Variants in ALG12 observed in about 807,000 individuals in gnomAD.
The protein encoded by ALG12 is ALG12 alpha-1,6-mannosyltransferase.
Under a neutral mutation model 46.0 loss-of-function variants are expected in ALG12, and 36 were observed. The observed-to-expected ratio is 0.78, with a 90% CI of 0.60 to 1.03. The LOEUF (loss-of-function observed/expected upper bound fraction) is 1.03, where lower values mean the gene tolerates loss of function less well. Ranked by LOEUF, ALG12 falls within the 50% of genes least tolerant of loss-of-function variation. ALG12 has a pLI of 0.00. For missense variants in ALG12, 599 were observed against 633.5 expected (o/e 0.95, Z 0.58); for synonymous variants, 326 against 291.6 (o/e 1.12, Z -1.20).
intron 1 of ALG12, among the ~76,000 whole-genome samples, chr22:49,916,207 C>T (rs1303140505): frequency 6.6e-6 from 1 of 152,154 alleles, no homozygotes. Flanking sequence ...GAGCCGAGAT[C>T]GCGCCACTGC....
chr22:49,916,168 G>A (rs1024845176), intron 1 of ALG12, among the ~76,000 whole-genome samples: 1 of 152,124 alleles, frequency 6.6e-6, no homozygotes, highest in African/African-American at 2.4e-5. Flanking sequence ...CAGGAGAATG[G>A]TGTGAACCCA....
At chr22:49,885,264 C>A in the ALG12 span, 2 of 1,599,178 alleles carry the variant, frequency 1.3e-6, no homozygotes, top group South Asian at 2.2e-5. Flanking sequence ...CAGAAAGTTC[C>A]TCTTCCAAAT....
the ALG12 span, among the ~76,000 whole-genome samples, chr22:49,878,501 G>T: frequency 6.6e-6 from 1 of 152,164 alleles, no homozygotes; most frequent in Non-Finnish European, 1.5e-5. Flanking sequence ...GCACTTCATG[G>T]AGAAAGGATT....
the ALG12 span, among the ~76,000 whole-genome samples, chr22:49,864,232 G>C: frequency 1.3e-5 from 2 of 152,230 alleles, no homozygotes; most frequent in South Asian, 4.1e-4. Flanking sequence ...TTTCCACTGA[G>C]AGTGCTGGTC....
At chr22:49,911,641 C>G (rs2146610728) in intron 3 of ALG12, among the ~76,000 whole-genome samples, 1 of 152,230 alleles carries the variant, frequency 6.6e-6, no homozygotes, top group East Asian at 1.9e-4. Flanking sequence ...CCCATGTTGG[C>G]CAGGATGGTC....
At chr22:49,888,409 A>G in the ALG12 span, 1 of 167,246 alleles carries the variant, frequency 6.0e-6, no homozygotes, top group East Asian at 1.9e-4. Context: ...TGGTGAACTC[A>G]GTTTCTGAAA....
chr22:49,869,342 G>A, the ALG12 span, among the ~76,000 whole-genome samples: 1 of 152,288 alleles, frequency 6.6e-6, no homozygotes, highest in South Asian at 2.1e-4. Context: ...TGCCTACCTC[G>A]TACCCGCGTG....
At chr22:49,879,533 T>A in the ALG12 span, among the ~76,000 whole-genome samples, 16,999 of 150,850 alleles carry the variant, frequency 0.11, 1,350 homozygotes, top group African/African-American at 0.21. Context: ...TCCACTAATT[T>A]TATTATTTGT....
chr22:49,914,189 C>T (rs2060597404), intron 1 of ALG12, among the ~76,000 whole-genome samples: 1 of 152,208 alleles, frequency 6.6e-6, no homozygotes, highest in Non-Finnish European at 1.5e-5. Flanking sequence ...TCAGCAAAAC[C>T]CAGGCTTGGC....
chr22:49,911,118 G>A (rs1348532379), intron 3 of ALG12, among the ~76,000 whole-genome samples: 1 of 152,260 alleles, frequency 6.6e-6, no homozygotes, highest in Non-Finnish European at 1.5e-5. Context: ...GGGGGCAGGT[G>A]TGCCCAGGAC....
the ALG12 span, among the ~76,000 whole-genome samples, chr22:49,862,356 TGGCC>T: frequency 6.6e-6 from 1 of 152,246 alleles, no homozygotes; most frequent in African/African-American, 2.4e-5. Flanking sequence ...TCTCTCACCG[TGGCC>T]TGCAAGTAGC....
downstream of ALG12, among the ~76,000 whole-genome samples, chr22:49,899,074 G>C (rs1357748559): frequency 6.6e-6 from 1 of 152,108 alleles, no homozygotes; most frequent in Non-Finnish European, 1.5e-5. Flanking sequence ...CGGATTACTT[G>C]AGCCCAGGAG....
the ALG12 span, chr22:49,887,046 C>T: frequency 4.6e-5 from 75 of 1,614,156 alleles, no homozygotes; most frequent in African/African-American, 8.7e-4. Flanking sequence ...CCCCAAGCAT[C>T]GTCCCTTCAG....
At chr22:49,884,663 C>T in the ALG12 span, 1 of 1,610,814 alleles carries the variant, frequency 6.2e-7, no homozygotes, top group East Asian at 2.2e-5. Context: ...ATGTGGAGGG[C>T]ACACCGCGCC....
rs1465773754 is a variant in ALG12, at chr22:49,908,039, T to C, written c.769-95A>G. The stretch of plus-strand genomic sequence containing the variant: ...GGTGGAGAAGACGCTTGAAGACAGT[T>C]GTGCTGAGAGATGCAGCCTGGACCA... On this transcript the variant is annotated intron_variant, in intron 6 of 9. Transcript: ENST00000330817. The C allele has an allele frequency of 3.1e-6, 4 of 1,285,668 alleles. No homozygotes were observed. In the Admixed American group the frequency reaches 7.8e-5, roughly 25 times the overall value. 79.6% of individuals were successfully genotyped at this position (1,285,668 alleles called of 1,614,324 possible). A position where few individuals can be genotyped will look rare whatever the true frequency, so the allele number is the denominator to read the frequency against.
chr22:49,914,656 T>A (rs1250933067), intron 1 of ALG12, among the ~76,000 whole-genome samples: 1 of 152,218 alleles, frequency 6.6e-6, no homozygotes, highest in Non-Finnish European at 1.5e-5. Context: ...TAAAACAGAT[T>A]TGATTTTATT....
At position 49,901,142 on chromosome 22, in the gene ALG12, G is replaced by A. The variant is rs998040565; in HGVS notation, c.*2696C>T. On this transcript the variant is annotated 3_prime_UTR_variant, in exon 10 of 10. Transcript: ENST00000330817. ...AGTGACTCACAGACCACTGAAGTCG[G>A]GAGGCAATCCACATGTGGCCAGCGA... 3 of 152,274 alleles carry A rather than the reference G, an allele frequency of 2.0e-5. No homozygotes were observed. Among genetic ancestry groups the A allele is most frequent in the African/African-American group, 7.2e-5 (3 of 41,478 alleles). 9.4% of individuals were successfully genotyped at this position (152,274 alleles called of 1,614,324 possible). A position where few individuals can be genotyped will look rare whatever the true frequency, so the allele number is the denominator to read the frequency against.
chr22:49,879,070 G>C, the ALG12 span, among the ~76,000 whole-genome samples: 1 of 150,864 alleles, frequency 6.6e-6, no homozygotes, highest in African/African-American at 2.4e-5. Flanking sequence ...ACTTGAACTG[G>C]GGAGGTGGAG....
chr22:49,888,968 G>T, the ALG12 span: 1 of 167,250 alleles, frequency 6.0e-6, no homozygotes, highest in Non-Finnish European at 1.5e-5. Context: ...TTGCAGTCCT[G>T]TGTTTCTTAA....
Sources: allele counts gnomAD v4.1 joint callset (sites outside exome capture counted in the v4.1 genomes callset), GRCh38; gene constraint gnomAD v4.1.1; transcripts MANE v1.5; gene names NCBI Gene and HGNC (gene_info 2026-07-23, HGNC 2026-07-21).